ZSCAN25: variants seen among roughly 807,000 people sequenced by gnomAD.
ZSCAN25 encodes the protein zinc finger and SCAN domain-containing protein 25.
In ZSCAN25, 27 loss-of-function variants were observed where a neutral mutation model predicts 38.7. The ratio of observed to expected loss-of-function variants is 0.70; its 90% CI spans 0.51 to 0.96. ZSCAN25 has a LOEUF of 0.96. Among genes scored for constraint, ZSCAN25 ranks in the 40% least tolerant of loss-of-function variants. The probability of loss-of-function intolerance (pLI) is 0.00; values close to 1 mark genes in which losing one functional copy is unlikely to be tolerated. For missense variants in ZSCAN25, 637 were observed against 705.9 expected, an observed-to-expected ratio of 0.90 and a Z score of 1.11; for synonymous variants, 273 against 277.7, an observed-to-expected ratio of 0.98 and a Z score of 0.17.
the ZSCAN25 span, chr7:99,638,299 T>C: frequency 6.2e-7 from 1 of 1,606,426 alleles, no homozygotes; most frequent in South Asian, 1.1e-5. Context: ...TCCCCTGAGG[T>C]GGCACAGGAG....
the ZSCAN25 span, among the ~76,000 whole-genome samples, chr7:99,698,129 G>A: frequency 2.6e-5 from 4 of 152,126 alleles, no homozygotes; most frequent in African/African-American, 9.7e-5. Context: ...TAACAGAAAA[G>A]CCAGTCATCT....
At chr7:99,703,951 C>T in the ZSCAN25 span, among the ~76,000 whole-genome samples, 3 of 152,092 alleles carry the variant, frequency 2.0e-5, no homozygotes, top group African/African-American at 7.2e-5. Flanking sequence ...CCATGACTCT[C>T]TTCTCTACCT....
chr7:99,734,743 A>T, the ZSCAN25 span, among the ~76,000 whole-genome samples: 1 of 150,502 alleles, frequency 6.6e-6, no homozygotes, highest in African/African-American at 2.5e-5. Flanking sequence ...TGCCTCAGCC[A>T]CCCAAGTAGC....
At chr7:99,734,027 C>T in the ZSCAN25 span, among the ~76,000 whole-genome samples, 2 of 152,084 alleles carry the variant, frequency 1.3e-5, no homozygotes, top group East Asian at 3.8e-4. Context: ...GAACTAATAG[C>T]CCTCTTTTAT....
At chr7:99,731,455 C>G in the ZSCAN25 span, among the ~76,000 whole-genome samples, 222 of 152,284 alleles carry the variant, frequency 1.5e-3, no homozygotes, top group African/African-American at 4.9e-3. Flanking sequence ...GGTTCAGGAA[C>G]GAATTCTTCC....
chr7:99,662,828 C>T, the ZSCAN25 span: 1 of 1,613,978 alleles, frequency 6.2e-7, no homozygotes, highest in South Asian at 1.1e-5. This position sits in a 1 kb window ranked among gnomAD's most constrained non-coding sequence, Gnocchi z 4.3. Context: ...TTGTGGGACT[C>T]AGTTTCTTTC....
At chr7:99,672,196 C>T in the ZSCAN25 span, among the ~76,000 whole-genome samples, 5 of 152,010 alleles carry the variant, frequency 3.3e-5, no homozygotes, top group East Asian at 1.9e-4. Context: ...GGACTACAGG[C>T]GCATGCCACC....
chr7:99,682,151 G>A, the ZSCAN25 span, among the ~76,000 whole-genome samples: 12 of 151,916 alleles, frequency 7.9e-5, no homozygotes, highest in Non-Finnish European at 1.5e-4. Flanking sequence ...GTATTTTTTG[G>A]TAGACATGTG....
chr7:99,679,792 G>T, the ZSCAN25 span: 3 of 1,609,260 alleles, frequency 1.9e-6, no homozygotes, highest in East Asian at 6.7e-5. Context: ...CCAAGTCCAA[G>T]GAAACAAAGA....
the ZSCAN25 span, among the ~76,000 whole-genome samples, chr7:99,724,523 A>G: frequency 6.6e-6 from 1 of 151,336 alleles, no homozygotes. Flanking sequence ...AGTCCTTTGA[A>G]TCCTCCTTTT....
chr7:99,630,760 A>G lies in ZSCAN25; in HGVS notation c.*740A>G. On this transcript the variant is annotated 3_prime_UTR_variant, in exon 8 of 8. Coordinates refer to ENST00000394152, the MANE Select transcript of ZSCAN25 (RefSeq NM_145115.3). ...CCTCATCTGTAAAACTTCCCCGTCC[A>G]TTATTCCTTGCACTATAACAACTGT... The G allele has an allele frequency of 3.0e-6, 3 of 985,428 alleles. No individual in the cohort carries two copies. Among genetic ancestry groups the G allele is most frequent in the Non-Finnish European group, 3.6e-6 (3 of 829,942 alleles). The allele number at this position is 985,428 out of a possible 1,614,324, so 61.0% of individuals were successfully genotyped here.
the ZSCAN25 span, among the ~76,000 whole-genome samples, chr7:99,680,397 A>AT: frequency 6.6e-6 from 1 of 151,886 alleles, no homozygotes; most frequent in Admixed American, 6.6e-5. Flanking sequence ...TTCTGCTAAA[A>AT]TTTTTCCTTA....
the ZSCAN25 span, among the ~76,000 whole-genome samples, chr7:99,651,418 T>C: frequency 6.6e-6 from 1 of 152,154 alleles, no homozygotes; most frequent in Non-Finnish European, 1.5e-5. Flanking sequence ...TGATTCAAAG[T>C]GAAGTACAGC....
chr7:99,725,391 C>T, the ZSCAN25 span, among the ~76,000 whole-genome samples: 1 of 152,152 alleles, frequency 6.6e-6, no homozygotes, highest in Non-Finnish European at 1.5e-5. Flanking sequence ...AGAGAAGAGG[C>T]GGCCAAGTGA....
the ZSCAN25 span, chr7:99,676,033 C>T: frequency 1.6e-6 from 2 of 1,245,378 alleles, no homozygotes; most frequent in South Asian, 1.2e-5. Flanking sequence ...GAACTCCCTC[C>T]CAAGGAGGGG....
chr7:99,696,652 C>T, the ZSCAN25 span, among the ~76,000 whole-genome samples: 7 of 152,184 alleles, frequency 4.6e-5, no homozygotes, highest in Non-Finnish European at 8.8e-5. Flanking sequence ...CAGGACATTC[C>T]TCCTCTTGTG....
the ZSCAN25 span, chr7:99,709,019 C>T: frequency 6.2e-7 from 1 of 1,613,800 alleles, no homozygotes; most frequent in African/African-American, 1.3e-5. Flanking sequence ...GGGCTCCCTT[C>T]CCAGGGGCCT....
chr7:99,630,234 G>A lies in ZSCAN25; in HGVS notation c.*214G>A. ...GGTGCTAAACAATTTTTCTTCCAAT[G>A]TTTGAGGGAAGCAGTCTCCTGCGGT... On this transcript the variant is annotated 3_prime_UTR_variant, in exon 8 of 8. Coordinates refer to ENST00000394152, the MANE Select transcript of ZSCAN25 (RefSeq NM_145115.3). The A allele has an allele frequency of 7.4e-7, 1 of 1,348,250 alleles. No homozygotes were observed. Among genetic ancestry groups the A allele is most frequent in the East Asian group, 2.8e-5 (1 of 36,010 alleles). 83.5% of individuals were successfully genotyped at this position (1,348,250 alleles called of 1,614,324 possible). A position where few individuals can be genotyped will look rare whatever the true frequency, so the allele number is the denominator to read the frequency against.
At chr7:99,697,467 G>T in the ZSCAN25 span, among the ~76,000 whole-genome samples, 1 of 152,182 alleles carries the variant, frequency 6.6e-6, no homozygotes, top group African/African-American at 2.4e-5. Flanking sequence ...GAAAAGTATG[G>T]TGTATATAAA....
Sources: allele counts gnomAD v4.1 joint callset (sites outside exome capture counted in the v4.1 genomes callset), GRCh38; gene constraint gnomAD v4.1.1; non-coding constraint Gnocchi (gnomAD v3.1); transcripts MANE v1.5; gene names NCBI Gene and HGNC (gene_info 2026-07-23, HGNC 2026-07-21).